The following CACNA1C variants were observed in gnomAD, a reference collection of about 807,000 sequenced individuals.
CACNA1C encodes the protein calcium voltage-gated channel subunit alpha1 C, also known as voltage-dependent L-type calcium channel subunit alpha-1C.
In CACNA1C, 30 loss-of-function variants were observed where a neutral mutation model predicts 229.0. The ratio of observed to expected loss-of-function variants is 0.13; its 90% CI spans 0.10 to 0.18. The LOEUF (loss-of-function observed/expected upper bound fraction) is 0.18, where lower values mean the gene tolerates loss of function less well. Ranked by LOEUF, CACNA1C falls within the 10% of genes least tolerant of loss-of-function variation. The pLI, the probability that CACNA1C is intolerant of heterozygous loss-of-function variation, is 1.00. For missense variants in CACNA1C, 1,658 were observed against 2,845.0 expected, an observed-to-expected ratio of 0.58 and a Z score of 9.49; for synonymous variants, 1,114 against 1,132.5, an observed-to-expected ratio of 0.98 and a Z score of 0.33.
Position 2,634,921 on chromosome 12 carries a change from C to G in CACNA1C, c.3912+541C>G, listed in dbSNP as rs1437195681. Among the ~76,000 whole-genome samples, 4 of 152,188 alleles carry G rather than the reference C, an allele frequency of 2.6e-5. No homozygotes were observed. In the East Asian group the frequency reaches 7.7e-4, roughly 29 times the overall value. ...AGCCCACCCTCGCCCAAGGACCACC[C>G]ATGATCTCGGGTTGAATGGGCTCTG... is the stretch of plus-strand genomic sequence containing the variant. On this transcript the variant is annotated intron_variant, in intron 30 of 46. Coordinates refer to ENST00000399655, the MANE Select transcript of CACNA1C (RefSeq NM_000719.7).
chr12:2,475,247 C>G (rs2099619586), intron 5 of CACNA1C, among the ~76,000 whole-genome samples: 1 of 151,018 alleles, frequency 6.6e-6, no homozygotes, highest in South Asian at 2.1e-4. Context: ...TGCAGTGAGC[C>G]GAGATCACGC....
chr12:2,197,091 G>C (rs1311882170), intron 3 of CACNA1C, among the ~76,000 whole-genome samples: 1 of 152,196 alleles, frequency 6.6e-6, no homozygotes, highest in African/African-American at 2.4e-5. Context: ...GGCTGGCCCT[G>C]AACACCTGCC....
At chr12:2,136,771 G>A (rs2093553069) in intron 3 of CACNA1C, among the ~76,000 whole-genome samples, 1 of 151,290 alleles carries the variant, frequency 6.6e-6, no homozygotes, top group Non-Finnish European at 1.5e-5. Flanking sequence ...TTGGCTTTGA[G>A]GCCATATTTT....
At chr12:2,376,310 A>G (rs1196442185) in intron 3 of CACNA1C, among the ~76,000 whole-genome samples, 1 of 152,148 alleles carries the variant, frequency 6.6e-6, no homozygotes, top group African/African-American at 2.4e-5. Flanking sequence ...GAGCCTCTGT[A>G]TGTGAGGACA....
chr12:2,661,499 G>A (rs2095738468), intron 34 of CACNA1C, among the ~76,000 whole-genome samples: 1 of 151,934 alleles, frequency 6.6e-6, no homozygotes, highest in Admixed American at 6.6e-5. Context: ...AATTGAAAAG[G>A]TAGTTGAAAA....
intron 5 of CACNA1C, among the ~76,000 whole-genome samples, chr12:2,460,545 C>T (rs901912216): frequency 3.0e-4 from 46 of 152,196 alleles, no homozygotes; most frequent in African/African-American, 1.1e-3. Context: ...GTTTCCACTA[C>T]AGAGGAAATT....
rs1258150796 is a variant in CACNA1C, at chr12:2,597,652, G to A, written c.2853+363G>A. Among the ~76,000 whole-genome samples, 1 of 152,086 alleles carries A rather than the reference G, an allele frequency of 6.6e-6. No individual in the cohort carries two copies. The highest frequency in any genetic ancestry group is 1.5e-5 in the Non-Finnish European group (1 of 68,034). On this transcript the variant is annotated intron_variant, in intron 21 of 46. Coordinates refer to ENST00000399655, the MANE Select transcript of CACNA1C (RefSeq NM_000719.7). This position sits in a 1 kb window ranked among gnomAD's most constrained non-coding sequence, Gnocchi z 4.3. ...ATGAGTGCCCCTCACTTTGTGTGATGCACTTTGCCCAGACTTAGAAGCCAG... is the reference window on the plus strand; with the variant it reads ...ATGAGTGCCCCTCACTTTGTGTGATACACTTTGCCCAGACTTAGAAGCCAG...
rs1454199352 is a variant in CACNA1C, at chr12:2,378,876, A to T, written c.478-70100A>T. Among the ~76,000 whole-genome samples, 15 of 149,916 alleles carry T rather than the reference A, an allele frequency of 1.0e-4. No individual in the cohort carries two copies. In the South Asian group the frequency reaches 2.1e-3, roughly 21 times the overall value. On this transcript the variant is annotated intron_variant, in intron 3 of 46. Coordinates refer to ENST00000399655, the MANE Select transcript of CACNA1C (RefSeq NM_000719.7). ...TCTTTTCTTTCCTTTCTTTGCCAAT[A>T]GGCCACCGTAGTCAGTTTCATGTGT...
At chr12:2,182,633 A>G (rs1349938718) in intron 3 of CACNA1C, among the ~76,000 whole-genome samples, 1 of 152,106 alleles carries the variant, frequency 6.6e-6, no homozygotes, top group Non-Finnish European at 1.5e-5. Context: ...TCCTTTGTCT[A>G]ATTCCTCCAC....
At chr12:2,560,387 C>G (rs4503598) in intron 11 of CACNA1C, among the ~76,000 whole-genome samples, 143,869 of 152,302 alleles carry the variant, frequency 0.94, 68,162 homozygotes, top group Non-Finnish European at 0.99. Context: ...CTTTAAAGAA[C>G]TGTAAGAATG....
chr12:2,149,704 G>A (rs537615375), intron 3 of CACNA1C, among the ~76,000 whole-genome samples: 6 of 152,282 alleles, frequency 3.9e-5, no homozygotes, highest in East Asian at 1.9e-4. Flanking sequence ...AGTTTTAGGC[G>A]GAAGGTGGGA....
chr12:2,430,687 G>C (rs1054022483), intron 3 of CACNA1C, among the ~76,000 whole-genome samples: 1 of 152,090 alleles, frequency 6.6e-6, no homozygotes, highest in Non-Finnish European at 1.5e-5. Flanking sequence ...CTGTTCTTCA[G>C]ATGCCGCTTA....
intron 8 of CACNA1C, among the ~76,000 whole-genome samples, chr12:2,510,363 A>C: frequency 6.6e-6 from 1 of 151,854 alleles, no homozygotes; most frequent in African/African-American, 2.4e-5. Context: ...TGTGCCTCAT[A>C]CTCCATGGGA....
At chr12:2,094,224 A>G (rs1057224538) in intron 1 of CACNA1C, among the ~76,000 whole-genome samples, 2 of 152,170 alleles carry the variant, frequency 1.3e-5, no homozygotes, top group Non-Finnish European at 2.9e-5. Flanking sequence ...GTGCATCCCC[A>G]AGGGTTAGGG....
intron 5 of CACNA1C, among the ~76,000 whole-genome samples, chr12:2,481,774 C>A (rs2099676662): frequency 6.6e-6 from 1 of 152,244 alleles, no homozygotes; most frequent in Non-Finnish European, 1.5e-5. Context: ...TTTGTCAGAT[C>A]TTACCCTGAT....
At chr12:2,347,318 T>C (rs538594962) in intron 3 of CACNA1C, among the ~76,000 whole-genome samples, 1 of 152,240 alleles carries the variant, frequency 6.6e-6, no homozygotes, top group East Asian at 1.9e-4. Flanking sequence ...TTCCCGATCA[T>C]ACGGTTTACA....
chr12:2,122,877 G>A (rs1318950623), intron 3 of CACNA1C, among the ~76,000 whole-genome samples: 5 of 152,186 alleles, frequency 3.3e-5, no homozygotes, highest in Non-Finnish European at 5.9e-5. Flanking sequence ...ATTACAACCC[G>A]AGAGAACTCC....
chr12:2,176,512 A>G (rs987704072), intron 3 of CACNA1C, among the ~76,000 whole-genome samples: 6 of 151,352 alleles, frequency 4.0e-5, no homozygotes, highest in Non-Finnish European at 5.9e-5. Flanking sequence ...GCTTGAAAGC[A>G]GAGAGCCTTC....
Position 2,666,647 on chromosome 12 carries a change from C to A in CACNA1C, c.4527-39C>A. ...CCTGGGCTGCTGGCAGAGACCGTGGCTCTCTGATGCCCTGTCCCTCCTCTC... is the reference window on the plus strand; with the variant it reads ...CCTGGGCTGCTGGCAGAGACCGTGGATCTCTGATGCCCTGTCCCTCCTCTC... On this transcript the variant is annotated intron_variant, in intron 36 of 46. Coordinates refer to ENST00000399655, the MANE Select transcript of CACNA1C (RefSeq NM_000719.7). The surrounding 1 kb of genome is among the most constrained non-coding windows in gnomAD (Gnocchi z 5.3). 1 of 1,353,376 alleles carries A rather than the reference C, an allele frequency of 7.4e-7. No homozygotes were observed. The highest frequency in any genetic ancestry group is 1.0e-6 in the Non-Finnish European group (1 of 963,810). The allele number at this position is 1,353,376 out of a possible 1,614,324, so 83.8% of individuals were successfully genotyped here. A position where few individuals can be genotyped will look rare whatever the true frequency, so the allele number is the denominator to read the frequency against.
Sources: allele counts gnomAD v4.1 joint callset (sites outside exome capture counted in the v4.1 genomes callset), GRCh38; gene constraint gnomAD v4.1.1; non-coding constraint Gnocchi (gnomAD v3.1); transcripts MANE v1.5; gene names NCBI Gene and HGNC (gene_info 2026-07-23, HGNC 2026-07-21).